Variants in SEC22A observed in about 807,000 individuals in gnomAD.
The protein encoded by SEC22A is SEC22 homolog A, vesicle trafficking protein.
In SEC22A, 22 loss-of-function variants were observed where a neutral mutation model predicts 35.3. The ratio of observed to expected loss-of-function variants is 0.62; its 90% CI spans 0.45 to 0.89. The LOEUF is 0.89. SEC22A is among the 40% of genes least tolerant of loss of function. The probability of loss-of-function intolerance (pLI) is 0.00; values close to 1 mark genes in which losing one functional copy is unlikely to be tolerated. For missense variants in SEC22A, 354 were observed against 362.5 expected (o/e 0.98, Z 0.19); for synonymous variants, 119 against 129.5 (o/e 0.92, Z 0.55).
At chr3:123,240,390 A>G (rs568903620) in intron 4 of SEC22A, among the ~76,000 whole-genome samples, 1 of 152,310 alleles carries the variant, frequency 6.6e-6, no homozygotes, top group African/African-American at 2.4e-5. Context: ...TATATAAAAG[A>G]AGACTACATT....
chr3:123,219,144 A>G (rs562974537), intron 2 of SEC22A, among the ~76,000 whole-genome samples: 1 of 152,300 alleles, frequency 6.6e-6, no homozygotes, highest in African/African-American at 2.4e-5. Flanking sequence ...AGACAAAATC[A>G]TGAAGTTTCT....
chr3:123,214,788 A>G (rs2108035221), intron 2 of SEC22A, among the ~76,000 whole-genome samples: 1 of 152,326 alleles, frequency 6.6e-6, no homozygotes, highest in South Asian at 2.1e-4. Context: ...GAAAAGACAA[A>G]TACCTTTTGG....
chr3:123,260,997 A>G (rs781320375), intron 6 of SEC22A, among the ~76,000 whole-genome samples: 18 of 151,866 alleles, frequency 1.2e-4, no homozygotes, highest in Non-Finnish European at 2.5e-4. Context: ...CACCATGCCT[A>G]GCTAATTTTT....
intron 5 of SEC22A, among the ~76,000 whole-genome samples, chr3:123,254,723 ATTTCT>A (rs746026727): frequency 2.7e-5 from 4 of 146,982 alleles, no homozygotes; most frequent in East Asian, 2.0e-4. Context: ...TTTACCCTCT[ATTTCT>A]TTTCTTTTCT....
chr3:123,248,757 C>T (rs1055659279), intron 5 of SEC22A, among the ~76,000 whole-genome samples: 5 of 152,154 alleles, frequency 3.3e-5, no homozygotes, highest in Admixed American at 6.6e-5. Context: ...AGCAAGGATG[C>T]GTTGTATAGG....
intron 4 of SEC22A, among the ~76,000 whole-genome samples, chr3:123,233,881 G>A (rs1020935383): frequency 2.0e-5 from 3 of 152,096 alleles, no homozygotes; most frequent in African/African-American, 4.8e-5. Flanking sequence ...TAAATAAAAA[G>A]GCATGTAGAT....
chr3:123,271,751 T>C lies in SEC22A; in HGVS notation c.*29T>C, dbSNP rs754165793. ...CATCCTTCAGATCTATTGCCTTGGC[T>C]TCAGGGGGATAAGGAGGGAACATAT... On this transcript the variant is annotated 3_prime_UTR_variant, in exon 7 of 7. Transcript: ENST00000492595. 3.2e-5 allele frequency: 50 copies of C among 1,583,550 alleles called. No individual in the cohort carries two copies. Among genetic ancestry groups the C allele is most frequent in the Middle Eastern group, 3.3e-4 (2 of 5,986 alleles).
chr3:123,214,182 G>T, intron 2 of SEC22A, among the ~76,000 whole-genome samples: 1 of 152,132 alleles, frequency 6.6e-6, no homozygotes, highest in African/African-American at 2.4e-5. Flanking sequence ...GCAACAGAGT[G>T]AGACTCTGCC....
chr3:123,266,276 T>G (rs184638947), intron 6 of SEC22A, among the ~76,000 whole-genome samples: 2 of 152,248 alleles, frequency 1.3e-5, no homozygotes, highest in African/African-American at 4.8e-5. Context: ...TTTTTATGGC[T>G]TCAATTTTAT....
intron 6 of SEC22A, among the ~76,000 whole-genome samples, chr3:123,264,289 T>C (rs1315301843): frequency 6.6e-6 from 1 of 152,228 alleles, no homozygotes; most frequent in Non-Finnish European, 1.5e-5. Context: ...TATGTGCAGG[T>C]TTTTGTGCAG....
rs1402768483 is a variant in SEC22A, at chr3:123,274,133, G to C, written c.*2411G>C. The C allele has an allele frequency of 6.6e-6, 1 of 152,142 alleles. No individual in the cohort carries two copies. The highest frequency in any genetic ancestry group is 2.4e-5 in the African/African-American group (1 of 41,416). The allele number at this position is 152,142 out of a possible 1,614,324, so 9.4% of individuals were successfully genotyped here. A position where few individuals can be genotyped will look rare whatever the true frequency, so the allele number is the denominator to read the frequency against. Reference sequence around the variant, plus strand: ...AACAGGTATAAATGTTTTATGTATAGAAATGTTTTCTTTCATTATTTGGTG... The same window carrying C: ...AACAGGTATAAATGTTTTATGTATACAAATGTTTTCTTTCATTATTTGGTG... On this transcript the variant is annotated 3_prime_UTR_variant, in exon 7 of 7. Coordinates refer to ENST00000492595, the MANE Select transcript of SEC22A (RefSeq NM_012430.5).
chr3:123,240,371 C>T (rs1403885013), intron 4 of SEC22A, among the ~76,000 whole-genome samples: 2 of 152,060 alleles, frequency 1.3e-5, no homozygotes, highest in African/African-American at 4.8e-5. Context: ...TTGTTTTGTT[C>T]CAGAACTTTA....
At position 123,242,216 on chromosome 3, in the gene SEC22A, C is replaced by T. The variant is rs555460955; in HGVS notation, c.542-3683C>T. On this transcript the variant is annotated intron_variant, in intron 4 of 6. Transcript: ENST00000492595. Reference sequence around the variant, plus strand: ...TGACGCTCATTTAAACCTTTCCCTTCAGTTGCAGACCTCGTCTGCTTCTCC... The same window carrying T: ...TGACGCTCATTTAAACCTTTCCCTTTAGTTGCAGACCTCGTCTGCTTCTCC... Among the ~76,000 whole-genome samples the T allele has an allele frequency of 3.3e-5, 5 of 150,408 alleles. No homozygotes were observed. In the East Asian group the frequency reaches 7.8e-4, roughly 23 times the overall value.
intron 6 of SEC22A, among the ~76,000 whole-genome samples, chr3:123,260,879 A>G (rs537985590): frequency 7.1e-6 from 1 of 141,754 alleles, no homozygotes; most frequent in African/African-American, 2.7e-5. Flanking sequence ...TCTGTCGCCC[A>G]GGCTGGAGTG....
chr3:123,219,937 C>T (rs1937092731), intron 2 of SEC22A, among the ~76,000 whole-genome samples: 1 of 152,108 alleles, frequency 6.6e-6, no homozygotes, highest in African/African-American at 2.4e-5. Context: ...ACTAGCTTTG[C>T]ATTTCAAATA....
At chr3:123,263,500 A>T (rs1302033089) in intron 6 of SEC22A, among the ~76,000 whole-genome samples, 1 of 152,196 alleles carries the variant, frequency 6.6e-6, no homozygotes, top group Non-Finnish European at 1.5e-5. Context: ...ATTTGAAGTA[A>T]TCTTTTGTGA....
chr3:123,260,169 A>AAAAAAAAAAAAAAAAAAAAAAAAAAC (rs1559763879), intron 6 of SEC22A, among the ~76,000 whole-genome samples: 1 of 114,758 alleles, frequency 8.7e-6, no homozygotes, highest in Non-Finnish European at 1.7e-5. Context: ...AAAAAAAAAA[A>AAAAAAAAAAAAAAAAAAAAAAAAAAC]CTACTAGATT....
chr3:123,208,341 C>T (rs1031638745), intron 1 of SEC22A: 1 of 151,968 alleles, frequency 6.6e-6, no homozygotes, highest in African/African-American at 2.4e-5. Flanking sequence ...TAAAATTTTG[C>T]CTGGATTTCT....
chr3:123,256,846 A>G (rs1192984003), intron 5 of SEC22A, among the ~76,000 whole-genome samples: 1 of 135,596 alleles, frequency 7.4e-6, no homozygotes, highest in South Asian at 2.3e-4. Context: ...TGCAAGCTCC[A>G]CCTCCCAGGT....
Sources: gnomAD v4.1 joint callset for allele counts (sites outside exome capture counted in the v4.1 genomes callset) on GRCh38, gnomAD v4.1.1 for gene constraint, MANE v1.5 for transcripts, NCBI Gene and HGNC (gene_info 2026-07-23, HGNC 2026-07-21) for gene names.